The following CD86 variants were observed in gnomAD, a reference collection of about 807,000 sequenced individuals.
CD86 encodes CD86 molecule, also known as T-lymphocyte activation antigen CD86.
A neutral mutation model predicts 32.1 loss-of-function variants in CD86; 11 were observed. The observed-to-expected ratio is 0.34, with a 90% CI of 0.22 to 0.57. The LOEUF (loss-of-function observed/expected upper bound fraction) is 0.57, where lower values mean the gene tolerates loss of function less well. Ranked by LOEUF, CD86 falls within the 20% of genes least tolerant of loss-of-function variation. The probability of loss-of-function intolerance (pLI) is 0.86; values close to 1 mark genes in which losing one functional copy is unlikely to be tolerated. For missense variants in CD86, 359 were observed against 398.4 expected, an observed-to-expected ratio of 0.90 and a Z score of 0.84; for synonymous variants, 137 against 135.3, an observed-to-expected ratio of 1.01 and a Z score of -0.09.
At chr3:122,088,290 A>G (rs1031176235) in intron 1 of CD86, among the ~76,000 whole-genome samples, 1 of 151,592 alleles carries the variant, frequency 6.6e-6, no homozygotes, top group Non-Finnish European at 1.5e-5. Flanking sequence ...ATCTTTTCAA[A>G]TGTATGAGAT....
chr3:122,088,399 T>C (rs188495721), intron 1 of CD86, among the ~76,000 whole-genome samples: 158 of 152,344 alleles, frequency 1.0e-3, no homozygotes, highest in African/African-American at 2.6e-3. Context: ...AGCTCTTTTA[T>C]ACATAGAAAA....
intron 2 of CD86, among the ~76,000 whole-genome samples, chr3:122,094,437 A>C (rs962274049): frequency 6.6e-6 from 1 of 152,198 alleles, no homozygotes; most frequent in Non-Finnish European, 1.5e-5. Flanking sequence ...TTGGCAGTAC[A>C]ATTTTAAAGT....
chr3:122,078,431 G>A (rs1057267315), intron 1 of CD86, among the ~76,000 whole-genome samples: 3 of 152,164 alleles, frequency 2.0e-5, no homozygotes, highest in African/African-American at 7.2e-5. Context: ...TGAGTCCCCT[G>A]TGCCAGTGGG....
intron 1 of CD86, among the ~76,000 whole-genome samples, chr3:122,074,493 A>G (rs1475160838): frequency 6.6e-6 from 1 of 152,212 alleles, no homozygotes; most frequent in East Asian, 1.9e-4. Flanking sequence ...TGTGGAAACT[A>G]TTCTGTATTA....
chr3:122,085,230 A>G (rs575416541), intron 1 of CD86, among the ~76,000 whole-genome samples: 29 of 152,248 alleles, frequency 1.9e-4, no homozygotes, highest in Non-Finnish European at 3.8e-4. Flanking sequence ...GCTGTCACGT[A>G]TATCATAAGA....
At chr3:122,118,157 A>G in intron 6 of CD86, 64 bp downstream of exon 6, 1 of 1,351,906 alleles carries the variant, frequency 7.4e-7, no homozygotes, top group African/African-American at 1.4e-5. Flanking sequence ...CTGTTACTTG[A>G]ATAGGCTTAT....
chr3:122,079,211 A>G (rs1472303380), intron 1 of CD86, among the ~76,000 whole-genome samples: 2 of 152,214 alleles, frequency 1.3e-5, no homozygotes, highest in African/African-American at 2.4e-5. Flanking sequence ...TCAGCTGATT[A>G]ATTACCAAGC....
Position 122,087,659 on chromosome 3 carries a change from G to A in CD86, c.15-3942G>A, listed in dbSNP as rs544820775. 2.0e-5 allele frequency among the ~76,000 whole-genome samples: 3 copies of A among 152,254 alleles called. No homozygotes were observed. In the South Asian group the frequency reaches 6.2e-4, roughly 32 times the overall value. On this transcript the variant is annotated intron_variant, in intron 1 of 6. Coordinates refer to ENST00000330540, the MANE Select transcript of CD86 (RefSeq NM_175862.5). ...AAGTGTCCAGAGTGTTTTCTAGGAT[G>A]GTGTGTGGTCTCCAAATTAACATTA...
At position 122,106,840 on chromosome 3, in the gene CD86, G is replaced by GCA. The variant is rs56759758; in HGVS notation, c.703+370_703+371dup. ...TTGATTACAACACATACATGCGCTT[G>GCA]CACACACACACACACACACACACAC... is the stretch of plus-strand genomic sequence containing the variant. On this transcript the variant is annotated intron_variant, in intron 4 of 6. Transcript: ENST00000330540. Among the ~76,000 whole-genome samples the GCA allele has an allele frequency of 6.5e-3, 939 of 143,566 alleles. 11 individuals carry two copies. Among genetic ancestry groups the GCA allele is most frequent in the South Asian group, 0.035 (154 of 4,374 alleles). The allele number at this position is 143,566 out of a possible 152,430, so 94.2% of individuals were successfully genotyped here.
At chr3:122,069,803 A>T (rs965149255) in intron 1 of CD86, among the ~76,000 whole-genome samples, 28 of 151,930 alleles carry the variant, frequency 1.8e-4, no homozygotes, top group Admixed American at 1.5e-3. Context: ...CAGACCAGAG[A>T]CCTCACTTAG....
chr3:122,061,122 A>C (rs554292970), intron 1 of CD86, among the ~76,000 whole-genome samples: 44 of 152,238 alleles, frequency 2.9e-4, no homozygotes, highest in Non-Finnish European at 4.4e-4. Flanking sequence ...AGGAATGAAC[A>C]TTTGGTTAAG....
At chr3:122,110,771 T>C (rs1037348694) in intron 5 of CD86, among the ~76,000 whole-genome samples, 2 of 152,220 alleles carry the variant, frequency 1.3e-5, no homozygotes, top group African/African-American at 4.8e-5. Context: ...AGGCTTTGAC[T>C]TTTCAAGGTG....
At chr3:122,094,658 T>C (rs2072878337) in intron 2 of CD86, among the ~76,000 whole-genome samples, 1 of 152,142 alleles carries the variant, frequency 6.6e-6, no homozygotes, top group African/African-American at 2.4e-5. Flanking sequence ...ACCCTCAAAA[T>C]GTAGAGCTGA....
At chr3:122,089,863 A>C (rs1188534358) in intron 1 of CD86, among the ~76,000 whole-genome samples, 1 of 152,260 alleles carries the variant, frequency 6.6e-6, no homozygotes, top group African/African-American at 2.4e-5. Context: ...TTTTAGCATG[A>C]GGATACTCGT....
At chr3:122,118,757 A>G (rs930824646) in intron 6 of CD86, among the ~76,000 whole-genome samples, 3 of 152,244 alleles carry the variant, frequency 2.0e-5, no homozygotes, top group Non-Finnish European at 4.4e-5. Flanking sequence ...TAAGCTCATC[A>G]TTGTGCTGCT....
chr3:122,094,675 C>G (rs1231510414), intron 2 of CD86, among the ~76,000 whole-genome samples: 1 of 152,100 alleles, frequency 6.6e-6, no homozygotes, highest in Admixed American at 6.6e-5. Flanking sequence ...CTGAATAATT[C>G]ATTTCATGGC....
intron 2 of CD86, among the ~76,000 whole-genome samples, chr3:122,098,393 A>C (rs2072942636): frequency 6.6e-6 from 1 of 152,076 alleles, no homozygotes; most frequent in African/African-American, 2.4e-5. Context: ...CTTGAGACAG[A>C]GTGTGTGATC....
intron 1 of CD86, among the ~76,000 whole-genome samples, chr3:122,068,139 T>C (rs534963919): frequency 2.0e-5 from 3 of 152,312 alleles, no homozygotes; most frequent in African/African-American, 7.2e-5. Context: ...ACTGGTTTTG[T>C]TTTTTAACAA....
chr3:122,103,153 G>C (rs1368898104), intron 2 of CD86, among the ~76,000 whole-genome samples: 4 of 148,426 alleles, frequency 2.7e-5, no homozygotes, highest in Non-Finnish European at 6.0e-5. Flanking sequence ...GTAACTGGTG[G>C]GTGAATGGGT....
Sources: allele counts gnomAD v4.1 joint callset (sites outside exome capture counted in the v4.1 genomes callset), GRCh38; gene constraint gnomAD v4.1.1; transcripts MANE v1.5; gene names NCBI Gene and HGNC (gene_info 2026-07-23, HGNC 2026-07-21).